The following LGR6 variants were observed in gnomAD, a reference collection of about 807,000 sequenced individuals.
The protein encoded by LGR6 is leucine-rich repeat-containing G protein-coupled receptor 6.
In LGR6, 45 loss-of-function variants were observed where a neutral mutation model predicts 69.4. The observed-to-expected ratio is 0.65, with a 90% CI of 0.51 to 0.83. The LOEUF (loss-of-function observed/expected upper bound fraction) is 0.83, where lower values mean the gene tolerates loss of function less well. LGR6 is among the 40% of genes least tolerant of loss of function. The pLI is 0.00. For synonymous variants in LGR6, 538 were observed against 555.0 expected, an observed-to-expected ratio of 0.97 and a Z score of 0.43; for missense variants, 1,108 against 1,246.7, an observed-to-expected ratio of 0.89 and a Z score of 1.68.
chr1:202,276,930 A>G lies in LGR6; in HGVS notation c.644+409A>G, dbSNP rs577957161. ...TTTGGCACAGGGATGGGATAAATTC[A>G]TCTCATTTCCCAGGCCTTAAGAAGC... On this transcript the variant is annotated intron_variant, in intron 5 of 17. Coordinates refer to ENST00000367278, the MANE Select transcript of LGR6 (RefSeq NM_001017403.2). Among the ~76,000 whole-genome samples, 40 of 152,338 alleles carry G rather than the reference A, an allele frequency of 2.6e-4. 1 individual carries two copies. The highest frequency in any genetic ancestry group is 7.8e-4 in the Admixed American group (12 of 15,302).
intron 12 of LGR6, 130 bp from the exon 13 acceptor site, chr1:202,306,738 G>A (rs778019395): frequency 2.7e-5 from 23 of 842,926 alleles, no homozygotes; most frequent in Admixed American, 6.4e-5. Flanking sequence ...TGACTTCCTC[G>A]GGCTGGGCCC....
In LGR6 at chr1:202,315,296, C is replaced by T. The variant is rs185465306; in HGVS notation, c.1648+414C>T. ...GACTCCAACAGGTCACCTTCTCCATCCCTCCCTGCTCCATCCCAGGAAGAT... is the reference window on the plus strand; with the variant it reads ...GACTCCAACAGGTCACCTTCTCCATTCCTCCCTGCTCCATCCCAGGAAGAT... On this transcript the variant is annotated intron_variant, in intron 17 of 17. Transcript: ENST00000367278. Among the ~76,000 whole-genome samples the T allele has an allele frequency of 1.1e-4, 16 of 152,282 alleles. No individual in the cohort carries two copies. The East Asian group carries it at 3.1e-3, about 29-fold the overall frequency.
chr1:202,204,766 T>TATCACA (rs1418466668), intron 1 of LGR6, among the ~76,000 whole-genome samples: 1 of 944 alleles, frequency 1.1e-3, no homozygotes, highest in Admixed American at 0.016. Flanking sequence ...CACACACCCC[T>TATCACA]CCTTCAAACA....
intron 6 of LGR6, among the ~76,000 whole-genome samples, chr1:202,290,370 C>G (rs1265093128): frequency 2.6e-5 from 4 of 152,210 alleles, no homozygotes; most frequent in Non-Finnish European, 4.4e-5. Flanking sequence ...AAAAGAAACT[C>G]CTGCAGAAGC....
In LGR6 at chr1:202,318,856, A is replaced by C; in HGVS notation, c.2553A>C (p.Leu851=). 4.3e-6 allele frequency: 7 copies of C among 1,613,682 alleles called. No individual in the cohort carries two copies. Among genetic ancestry groups the C allele is most frequent in the Non-Finnish European group, 5.1e-6 (6 of 1,179,846 alleles). The change falls in exon 18 of 18, where the codon CTA becomes CTC. Residue 851 remains leucine (L), a synonymous_variant. Coordinates refer to ENST00000367278, the MANE Select transcript of LGR6 (RefSeq NM_001017403.2). The part of the protein sequence containing the change: ...LRPRAGDSGP[L]AYAAAGELEK... ...CCCGCGCAGGGGACTCAGGGCCCCTAGCCTATGCTGCGGCCGGGGAGCTGG... is the reference window on the plus strand; with the variant it reads ...CCCGCGCAGGGGACTCAGGGCCCCTCGCCTATGCTGCGGCCGGGGAGCTGG...
chr1:202,233,015 C>T (rs921253860), intron 3 of LGR6, among the ~76,000 whole-genome samples: 7 of 152,162 alleles, frequency 4.6e-5, no homozygotes, highest in East Asian at 3.9e-4. Flanking sequence ...GGGCCAAAGC[C>T]GACTGCCATG....
chr1:202,204,750 C>A (rs796130244), intron 1 of LGR6, among the ~76,000 whole-genome samples: 1 of 24,260 alleles, frequency 4.1e-5, no homozygotes, highest in Non-Finnish European at 7.7e-5. Context: ...CACCTCCAAA[C>A]ACACACACAC....
chr1:202,285,561 T>C (rs1666332095), intron 6 of LGR6, among the ~76,000 whole-genome samples: 1 of 152,226 alleles, frequency 6.6e-6, no homozygotes, highest in South Asian at 2.1e-4. Context: ...ATGAGATGAC[T>C]TCACGTGATG....
At chr1:202,234,446 T>A (rs1057313601) in intron 3 of LGR6, among the ~76,000 whole-genome samples, 2 of 152,184 alleles carry the variant, frequency 1.3e-5, no homozygotes, top group African/African-American at 4.8e-5. Context: ...TTAAGAGAGA[T>A]GACATGTGAC....
At chr1:202,277,015 G>T (rs1243191926) in intron 5 of LGR6, among the ~76,000 whole-genome samples, 1 of 152,164 alleles carries the variant, frequency 6.6e-6, no homozygotes, top group African/African-American at 2.4e-5. Flanking sequence ...TTACCTGGGA[G>T]ATAGCATCCC....
chr1:202,299,948 ACT>A (rs1281295960), intron 7 of LGR6, among the ~76,000 whole-genome samples: 1 of 152,142 alleles, frequency 6.6e-6, no homozygotes, highest in African/African-American at 2.4e-5. Context: ...AGACTCCCAG[ACT>A]CTCAGCTGGG....
At chr1:202,286,981 C>T (rs1202053943) in intron 6 of LGR6, among the ~76,000 whole-genome samples, 1 of 152,152 alleles carries the variant, frequency 6.6e-6, no homozygotes, top group Non-Finnish European at 1.5e-5. Flanking sequence ...ACTCTACCCC[C>T]TCTGCCGACT....
chr1:202,250,399 T>TTTATTA (rs965976809), intron 4 of LGR6, among the ~76,000 whole-genome samples: 1 of 150,826 alleles, frequency 6.6e-6, no homozygotes, highest in Non-Finnish European at 1.5e-5. Context: ...ATTTTTATTA[T>TTTATTA]TTATTATTAT....
chr1:202,292,194 G>T (rs769746468), intron 6 of LGR6, among the ~76,000 whole-genome samples: 5 of 152,202 alleles, frequency 3.3e-5, no homozygotes, highest in Non-Finnish European at 7.3e-5. Context: ...GTAAGCCCTT[G>T]TTCTGGAAGC....
intron 3 of LGR6, among the ~76,000 whole-genome samples, chr1:202,231,129 G>A (rs1377857148): frequency 1.3e-5 from 2 of 152,218 alleles, no homozygotes; most frequent in South Asian, 2.1e-4. Context: ...AGGAGTGGCT[G>A]GGAGTTAGCA....
chr1:202,219,125 T>G (rs1659977487), intron 1 of LGR6, among the ~76,000 whole-genome samples: 1 of 152,222 alleles, frequency 6.6e-6, no homozygotes, highest in Admixed American at 6.5e-5. Flanking sequence ...CTGCTTCTCT[T>G]GTTGACAGAA....
intron 1 of LGR6, among the ~76,000 whole-genome samples, chr1:202,205,142 ACACAC>A (rs1456672869): frequency 8.9e-6 from 1 of 112,122 alleles, no homozygotes; most frequent in Non-Finnish European, 1.7e-5. Flanking sequence ...TCAAACACAC[ACACAC>A]CTCCACACAC....
At chr1:202,279,044 C>T (rs1039474485) in intron 5 of LGR6, among the ~76,000 whole-genome samples, 2 of 152,180 alleles carry the variant, frequency 1.3e-5, no homozygotes, top group African/African-American at 4.8e-5. Flanking sequence ...GAATTGGAGG[C>T]CTGGAGCTGG....
chr1:202,280,758 A>T, intron 5 of LGR6, 23 bp from the exon 6 acceptor site: 3 of 1,613,660 alleles, frequency 1.9e-6, no homozygotes, highest in Non-Finnish European at 2.5e-6. Context: ...ACCCATTCTG[A>T]TGCGTCTTTC....
Sources: allele counts gnomAD v4.1 joint callset (sites outside exome capture counted in the v4.1 genomes callset), GRCh38; gene constraint gnomAD v4.1.1; transcripts MANE v1.5; gene names NCBI Gene and HGNC (gene_info 2026-07-23, HGNC 2026-07-21).